The following PTN variants were observed in gnomAD, a reference collection of about 807,000 sequenced individuals.
PTN encodes the protein heparin affin regulatory protein.
A neutral mutation model predicts 24.1 loss-of-function variants in PTN; 18 were observed. The ratio of observed to expected loss-of-function variants is 0.75; its 90% confidence interval spans 0.52 to 1.11. PTN has a LOEUF of 1.11. PTN is among the 50% of genes least tolerant of loss of function. The pLI is 0.00. For synonymous variants in PTN, 78 were observed against 68.6 expected, an observed-to-expected ratio of 1.14 and a Z score of -0.67; for missense variants, 163 against 198.8, an observed-to-expected ratio of 0.82 and a Z score of 1.08.
intron 1 of PTN, among the ~76,000 whole-genome samples, chr7:137,296,169 C>T (rs1394565796): frequency 6.6e-6 from 1 of 151,976 alleles, no homozygotes; most frequent in Non-Finnish European, 1.5e-5. Context: ...TCTGTCCTCC[C>T]TATTTCAGAT....
chr7:137,340,853 T>C (rs935467964), intron 1 of PTN, among the ~76,000 whole-genome samples: 2 of 152,156 alleles, frequency 1.3e-5, no homozygotes, highest in East Asian at 1.9e-4. Context: ...ACTCATCACA[T>C]TGGGTGGTCT....
chr7:137,238,043 T>G (rs1395246163), intron 4 of PTN, among the ~76,000 whole-genome samples: 1 of 152,236 alleles, frequency 6.6e-6, no homozygotes, highest in African/African-American at 2.4e-5. Context: ...GGATTCCTGA[T>G]GAGTTCTTCT....
chr7:137,234,371 G>C (rs2128867838), intron 4 of PTN, among the ~76,000 whole-genome samples: 1 of 152,020 alleles, frequency 6.6e-6, no homozygotes, highest in Non-Finnish European at 1.5e-5. Context: ...TCCAAGGGCA[G>C]GACATTTTAA....
At chr7:137,243,433 G>A (rs948811299) in intron 4 of PTN, among the ~76,000 whole-genome samples, 4 of 152,146 alleles carry the variant, frequency 2.6e-5, no homozygotes, top group Non-Finnish European at 5.9e-5. Flanking sequence ...TCCCCATGGA[G>A]TAGCATCAAT....
In PTN at chr7:137,227,565, A is replaced by G. The variant is rs957019741; in HGVS notation, c.*455T>C. The G allele has an allele frequency of 6.6e-6, 1 of 151,980 alleles. No individual in the cohort carries two copies. The highest frequency in any genetic ancestry group is 2.4e-5 in the African/African-American group (1 of 41,330). 9.4% of individuals were successfully genotyped at this position (151,980 alleles called of 1,614,324 possible). ...AAAAAATCTATTGGCAGAAAACAAG[A>G]TATTTTCTTCAAATAGAGTGATTAT... On this transcript the variant is annotated 3_prime_UTR_variant, in exon 5 of 5. Coordinates refer to ENST00000348225, the MANE Select transcript of PTN (RefSeq NM_002825.7).
intron 1 of PTN, among the ~76,000 whole-genome samples, chr7:137,316,625 G>A (rs544437385): frequency 2.0e-5 from 3 of 152,244 alleles, no homozygotes; most frequent in Admixed American, 2.0e-4. Flanking sequence ...GCAGAGGATC[G>A]AGCCGTCCCA....
chr7:137,255,124 A>G, intron 1 of PTN, 150 bp from the exon 2 acceptor site: 1 of 507,712 alleles, frequency 2.0e-6, no homozygotes, highest in Non-Finnish European at 3.3e-6. Context: ...GTAGAATTTT[A>G]TCTATTCTTA....
At chr7:137,293,994 A>AT (rs1297894663) in intron 1 of PTN, among the ~76,000 whole-genome samples, 4 of 152,122 alleles carry the variant, frequency 2.6e-5, no homozygotes. Flanking sequence ...CAAGCAAAAA[A>AT]TGTTGATGGA....
intron 1 of PTN, among the ~76,000 whole-genome samples, chr7:137,287,433 T>C (rs1809574619): frequency 1.3e-5 from 2 of 151,720 alleles, no homozygotes; most frequent in Non-Finnish European, 2.9e-5. Context: ...GGATGTGAAA[T>C]AAGTAAGACA....
intron 1 of PTN, among the ~76,000 whole-genome samples, chr7:137,261,588 C>T (rs564868451): frequency 2.7e-4 from 41 of 152,140 alleles, no homozygotes; most frequent in African/African-American, 7.9e-4. Flanking sequence ...ACCTAAAAAT[C>T]GCTGAGAAAA....
chr7:137,338,652 T>A (rs778714999), intron 1 of PTN, among the ~76,000 whole-genome samples: 19 of 152,208 alleles, frequency 1.2e-4, no homozygotes, highest in Non-Finnish European at 2.1e-4. Context: ...AGTAGATCAT[T>A]AGCTGCTTGA....
rs930695307 is a variant in PTN at position 137,253,755 on chromosome 7, T to C, written c.116-118A>G. The C allele has an allele frequency of 5.8e-6, 5 of 861,076 alleles. No individual in the cohort carries two copies. In the African/African-American group the frequency reaches 8.6e-5, roughly 15 times the overall value. 53.3% of individuals were successfully genotyped at this position (861,076 alleles called of 1,614,324 possible). ...ATCTGTGTTTTTTAATCTGTATCCT[T>C]ATTGTCTAATGAATAGTAGAAACAT... On this transcript the variant is annotated intron_variant, in intron 2 of 4. Transcript: ENST00000348225.
intron 1 of PTN, among the ~76,000 whole-genome samples, chr7:137,340,857 G>A (rs764854307): frequency 6.6e-5 from 10 of 152,126 alleles, no homozygotes; most frequent in Non-Finnish European, 1.3e-4. Context: ...ATCACATTGG[G>A]TGGTCTCAGT....
At chr7:137,246,128 C>A in intron 4 of PTN, among the ~76,000 whole-genome samples, 1 of 152,166 alleles carries the variant, frequency 6.6e-6, no homozygotes, top group East Asian at 1.9e-4. Flanking sequence ...CCCAGAGCAA[C>A]TTCCAGTCCT....
chr7:137,339,445 C>T lies in PTN; in HGVS notation c.-2+3994G>A, dbSNP rs560269521. 3.9e-4 allele frequency among the ~76,000 whole-genome samples: 59 copies of T among 151,226 alleles called. No individual in the cohort carries two copies. In the South Asian group the frequency reaches 6.3e-3, roughly 16 times the overall value. ...GTATTGTTGGAGTAGGACCCCGAGACGATGTGATGGACATGAGTAACTCCA... is the reference window on the plus strand; with the variant it reads ...GTATTGTTGGAGTAGGACCCCGAGATGATGTGATGGACATGAGTAACTCCA... On this transcript the variant is annotated intron_variant, in intron 1 of 4. Transcript: ENST00000348225.
intron 4 of PTN, among the ~76,000 whole-genome samples, chr7:137,234,882 C>T (rs912787463): frequency 3.9e-5 from 6 of 151,984 alleles, no homozygotes; most frequent in African/African-American, 1.2e-4. Context: ...AGGCCCTGTT[C>T]GCTGCTGACT....
At chr7:137,251,471 T>C in intron 3 of PTN, 80 bp from the exon 4 acceptor site, 1 of 1,468,736 alleles carries the variant, frequency 6.8e-7, no homozygotes, top group Non-Finnish European at 9.4e-7. Flanking sequence ...CACTTTTGTT[T>C]GTAACTTTTT....
intron 1 of PTN, among the ~76,000 whole-genome samples, chr7:137,342,538 T>TGC (rs1810551372): frequency 6.6e-6 from 1 of 151,702 alleles, no homozygotes; most frequent in Non-Finnish European, 1.5e-5. Flanking sequence ...TGTGTGTGTG[T>TGC]GTGTGTGTGT....
At chr7:137,316,239 G>A (rs1810070130) in intron 1 of PTN, among the ~76,000 whole-genome samples, 1 of 152,112 alleles carries the variant, frequency 6.6e-6, no homozygotes, top group South Asian at 2.1e-4. Context: ...CGTCACCTGG[G>A]AACTTGTTAG....
Sources: gnomAD v4.1 joint callset for allele counts (sites outside exome capture counted in the v4.1 genomes callset) on GRCh38, gnomAD v4.1.1 for gene constraint, MANE v1.5 for transcripts, NCBI Gene and HGNC (gene_info 2026-07-23, HGNC 2026-07-21) for gene names.